Variants in COL22A1 observed in about 807,000 individuals in gnomAD.
The protein encoded by COL22A1 is collagen alpha-1(XXII) chain.
In COL22A1, 221 loss-of-function variants were observed where a neutral mutation model predicts 248.9. That is an observed-to-expected ratio of 0.89 (90% CI 0.80 to 0.99). The LOEUF is 0.99. Among genes scored for constraint, COL22A1 ranks in the 50% least tolerant of loss-of-function variants. The pLI is 0.00. For missense variants in COL22A1, 2,240 were observed against 2,179.0 expected (o/e 1.03, Z -0.56); for synonymous variants, 891 against 793.4 (o/e 1.12, Z -2.07).
At chr8:138,799,346 C>A (rs1816815789) in intron 11 of COL22A1, among the ~76,000 whole-genome samples, 1 of 152,176 alleles carries the variant, frequency 6.6e-6, no homozygotes, top group African/African-American at 2.4e-5. Context: ...TTGTCTGCTG[C>A]CTTTTTCGGT....
chr8:138,726,831 G>A (rs1830354829), intron 23 of COL22A1, among the ~76,000 whole-genome samples: 1 of 152,228 alleles, frequency 6.6e-6, no homozygotes, highest in African/African-American at 2.4e-5. Context: ...GCCACGGGCT[G>A]TCATAGTGAG....
intron 49 of COL22A1, among the ~76,000 whole-genome samples, 174 bp from the exon 50 acceptor site, chr8:138,630,922 C>A (rs1055399260): frequency 6.6e-6 from 1 of 152,150 alleles, no homozygotes; most frequent in African/African-American, 2.4e-5. Context: ...GTGACTGAAT[C>A]ATGGAGACAG....
Position 138,877,814 on chromosome 8 carries a change from G to A in COL22A1, c.594C>T (p.Phe198=). The part of the protein sequence containing the change: ...IASEPKSAHV[F]HVSDFNAIDK... ...CGATGGCATTGAAGTCGGACACGTG[G>A]AAGACGTGGGCGGACTTGGGCTCTG... Residue 198 remains phenylalanine, a synonymous_variant, in exon 3 of 65, where the codon TTC becomes TTT. Transcript: ENST00000303045. 1 of 1,611,832 alleles carries A rather than the reference G, an allele frequency of 6.2e-7. No individual in the cohort carries two copies. Among genetic ancestry groups the A allele is most frequent in the Non-Finnish European group, 8.5e-7 (1 of 1,178,906 alleles).
In COL22A1 at chr8:138,757,941, C is replaced by T. The variant is rs917631488; in HGVS notation, c.1903-2112G>A. 6.6e-5 allele frequency among the ~76,000 whole-genome samples: 10 copies of T among 152,360 alleles called. 1 individual carries two copies. The highest frequency in any genetic ancestry group is 2.6e-4 in the Admixed American group (4 of 15,310). ...TGCAACCCTGTGTGGGGACCTCCCA[C>T]ACCATCCCCGTTCCTCTATGTGACT... On this transcript the variant is annotated intron_variant, in intron 18 of 64. Coordinates refer to ENST00000303045, the MANE Select transcript of COL22A1 (RefSeq NM_152888.3).
At chr8:138,863,390 C>T (rs1273780163) in intron 3 of COL22A1, among the ~76,000 whole-genome samples, 12 of 152,156 alleles carry the variant, frequency 7.9e-5, no homozygotes, top group African/African-American at 1.4e-4. Flanking sequence ...TTGTGGGCTC[C>T]GCTGTCAACT....
In COL22A1 at chr8:138,678,091, T is replaced by G. The variant is rs959650917; in HGVS notation, c.3073-1456A>C. On this transcript the variant is annotated intron_variant, in intron 40 of 64. Coordinates refer to ENST00000303045, the MANE Select transcript of COL22A1 (RefSeq NM_152888.3). The stretch of plus-strand genomic sequence containing the variant: ...CTTGCCTTTCCTATAGTACAACCGT[T>G]GCCTGGATGAGTACATAAGCTATGT... Among the ~76,000 whole-genome samples, 10 of 152,216 alleles carry G rather than the reference T, an allele frequency of 6.6e-5. 1 individual carries two copies. The highest frequency in any genetic ancestry group is 1.5e-4 in the Non-Finnish European group (10 of 68,038).
Position 138,811,712 on chromosome 8 carries a change from T to C in COL22A1, c.1449+87A>G. ...AGCCATGGGCCTCCTGGTGCCCCCC[T>C]GACCTGAAAGGCCACATGCATGATG... On this transcript the variant is annotated intron_variant, in intron 9 of 64. Transcript: ENST00000303045. 1.3e-6 allele frequency: 2 copies of C among 1,529,152 alleles called. 1 individual carries two copies. Among genetic ancestry groups the C allele is most frequent in the Non-Finnish European group, 1.8e-6 (2 of 1,105,498 alleles). 94.7% of individuals were successfully genotyped at this position (1,529,152 alleles called of 1,614,324 possible). A position where few individuals can be genotyped will look rare whatever the true frequency, so the allele number is the denominator to read the frequency against.
At chr8:138,877,332 A>G (rs1257816417) in intron 3 of COL22A1, among the ~76,000 whole-genome samples, 5 of 152,116 alleles carry the variant, frequency 3.3e-5, no homozygotes, top group African/African-American at 7.2e-5. Flanking sequence ...GCTATACCCA[A>G]TGCTTCAGGC....
Position 138,694,884 on chromosome 8 carries a change from TG to T in COL22A1, c.2593-6del, listed in dbSNP as rs775922456. The T allele has an allele frequency of 6.2e-7, 1 of 1,613,894 alleles. No individual in the cohort carries two copies. Among genetic ancestry groups the T allele is most frequent in the South Asian group, 1.1e-5 (1 of 91,066 alleles). On this transcript the variant is annotated splice_polypyrimidine_tract_variant and splice_region_variant and intron_variant, in intron 32 of 64. Transcript: ENST00000303045. ...TCCTTTGGGCCCTTGTTCTCCCTGT[TG>T]GTGAGAAGCATAGGGTAGAGTGGAC...
chr8:138,765,712 A>G (rs1258015099), intron 16 of COL22A1, among the ~76,000 whole-genome samples: 1 of 152,234 alleles, frequency 6.6e-6, no homozygotes, highest in Non-Finnish European at 1.5e-5. Context: ...CCAGAGAAAG[A>G]GAGAGAGCCA....
intron 17 of COL22A1, among the ~76,000 whole-genome samples, chr8:138,761,366 A>G (rs1357138198): frequency 1.3e-5 from 2 of 152,230 alleles, no homozygotes; most frequent in Non-Finnish European, 2.9e-5. Flanking sequence ...CATTTGAGTC[A>G]GGCCTTTGGT....
chr8:138,726,425 A>T (rs1347486527), intron 23 of COL22A1, among the ~76,000 whole-genome samples: 1 of 146,498 alleles, frequency 6.8e-6, no homozygotes, highest in Non-Finnish European at 1.5e-5. Flanking sequence ...TGAGACTGGG[A>T]GTTTGAGGCT....
chr8:138,735,121 C>T (rs1586604892), intron 23 of COL22A1, among the ~76,000 whole-genome samples: 2 of 152,194 alleles, frequency 1.3e-5, no homozygotes, highest in Admixed American at 1.3e-4. Context: ...CACCATGGTA[C>T]ATGCATACCT....
chr8:138,690,828 C>A lies in COL22A1; in HGVS notation c.2801G>T (p.Gly934Val). 6.2e-7 allele frequency: 1 copy of A among 1,609,730 alleles called. No individual in the cohort carries two copies. Among genetic ancestry groups the A allele is most frequent in the Non-Finnish European group, 8.5e-7 (1 of 1,178,156 alleles). The change falls in exon 36 of 65, where the codon GGA becomes GTA. Residue 934 changes from glycine to valine, a missense_variant. Gly to Val is a moderately radical substitution (Grantham distance 109). Coordinates refer to ENST00000303045, the MANE Select transcript of COL22A1 (RefSeq NM_152888.3). Reference sequence around the variant, plus strand: ...CCTCTCCCAATTACTCACCACACTTCCTGGAGGGCCACTGGGACCGGGGGC... The same window carrying A: ...CCTCTCCCAATTACTCACCACACTTACTGGAGGGCCACTGGGACCGGGGGC... ...VGAPGPSGPP[G>V]SVGAPGLRGT...
chr8:138,889,494 A>G lies in COL22A1; in HGVS notation c.-72-6250T>C, dbSNP rs373072710. Reference sequence around the variant, plus strand: ...AACCAAACACCGCATGTTCTCACTCATAGATGGGAATTGAACAATGAGAAC... The same window carrying G: ...AACCAAACACCGCATGTTCTCACTCGTAGATGGGAATTGAACAATGAGAAC... On this transcript the variant is annotated intron_variant, in intron 1 of 64. Coordinates refer to ENST00000303045, the MANE Select transcript of COL22A1 (RefSeq NM_152888.3). Among the ~76,000 whole-genome samples the G allele has an allele frequency of 3.5e-4, 54 of 152,302 alleles. 1 individual carries two copies. The South Asian group carries it at 7.3e-3, about 20-fold the overall frequency.
chr8:138,764,520 C>T (rs1833769542), intron 16 of COL22A1, among the ~76,000 whole-genome samples: 1 of 152,240 alleles, frequency 6.6e-6, no homozygotes, highest in Admixed American at 6.5e-5. Context: ...TGTCCCAACC[C>T]TCTCTGGGCT....
Position 138,716,309 on chromosome 8 carries a change from A to G in COL22A1, c.2401-20T>C, listed in dbSNP as rs1289118043. Reference sequence around the variant, plus strand: ...TTCTCCCTGTGAGAACAAAATATTCACAAGGCGTCAACAGGAAGGCTCTCC... The same window carrying G: ...TTCTCCCTGTGAGAACAAAATATTCGCAAGGCGTCAACAGGAAGGCTCTCC... On this transcript the variant is annotated intron_variant, in intron 28 of 64. Coordinates refer to ENST00000303045, the MANE Select transcript of COL22A1 (RefSeq NM_152888.3). 1.9e-6 allele frequency: 3 copies of G among 1,561,482 alleles called. No individual in the cohort carries two copies. The highest frequency in any genetic ancestry group is 2.6e-6 in the Non-Finnish European group (3 of 1,149,568).
intron 23 of COL22A1, 129 bp downstream of exon 23, chr8:138,737,395 T>C (rs4409435): frequency 0.34 from 232,391 of 680,560 alleles, 41,431 homozygotes; most frequent in Admixed American, 0.47. Context: ...ACCCACTGGC[T>C]GTTCTTTTTA....
chr8:138,680,325 T>C (rs1825863632), intron 39 of COL22A1, among the ~76,000 whole-genome samples: 1 of 152,132 alleles, frequency 6.6e-6, no homozygotes, highest in South Asian at 2.1e-4. Context: ...TAAACACTCT[T>C]TACTCCTTCA....
Sources: allele counts gnomAD v4.1 joint callset (sites outside exome capture counted in the v4.1 genomes callset), GRCh38; gene constraint gnomAD v4.1.1; transcripts MANE v1.5; gene names NCBI Gene and HGNC (gene_info 2026-07-23, HGNC 2026-07-21).